CDH18: variants seen among roughly 807,000 people sequenced by gnomAD.
CDH18 encodes cadherin 18.
A neutral mutation model predicts 67.9 loss-of-function variants in CDH18; 31 were observed. The ratio of observed to expected loss-of-function variants is 0.46; its 90% confidence interval spans 0.34 to 0.62. CDH18 has a LOEUF of 0.62. Among genes scored for constraint, CDH18 ranks in the 20% least tolerant of loss-of-function variants. The pLI, the probability that CDH18 is intolerant of heterozygous loss-of-function variation, is 0.01. For missense variants in CDH18, 890 were observed against 975.5 expected, an observed-to-expected ratio of 0.91 and a Z score of 1.17; for synonymous variants, 362 against 347.2, an observed-to-expected ratio of 1.04 and a Z score of -0.48.
intron 5 of CDH18, among the ~76,000 whole-genome samples, chr5:19,713,798 A>C (rs547905295): frequency 6.6e-6 from 1 of 152,280 alleles, no homozygotes; most frequent in African/African-American, 2.4e-5. Flanking sequence ...AATCAGTGTG[A>C]AAAATGTCCT....
intron 1 of CDH18, among the ~76,000 whole-genome samples, chr5:20,472,851 T>C (rs1752184083): frequency 6.6e-6 from 1 of 152,208 alleles, no homozygotes; most frequent in Non-Finnish European, 1.5e-5. Flanking sequence ...TAAACAAGTT[T>C]TGTGTGTTGC....
intron 8 of CDH18, among the ~76,000 whole-genome samples, chr5:19,558,069 T>C (rs936128625): frequency 2.6e-5 from 4 of 151,844 alleles, no homozygotes; most frequent in South Asian, 2.1e-4. Context: ...GAAATGAAAA[T>C]GGAAATTAAA....
intron 2 of CDH18, among the ~76,000 whole-genome samples, chr5:19,861,053 A>G (rs1311886606): frequency 6.6e-6 from 1 of 152,162 alleles, no homozygotes; most frequent in African/African-American, 2.4e-5. Flanking sequence ...TCATTATTTC[A>G]TCATTTTTAA....
intron 2 of CDH18, among the ~76,000 whole-genome samples, chr5:20,041,325 T>C (rs990490024): frequency 6.6e-6 from 1 of 152,208 alleles, no homozygotes; most frequent in Non-Finnish European, 1.5e-5. Flanking sequence ...TATTTGCCAG[T>C]CTTTTCATTT....
intron 11 of CDH18, among the ~76,000 whole-genome samples, chr5:19,492,467 A>G (rs1332368506): frequency 2.0e-5 from 3 of 152,162 alleles, no homozygotes; most frequent in African/African-American, 7.2e-5. Flanking sequence ...ATAGATGTGA[A>G]GTTAAGCAGT....
At chr5:19,611,730 C>G (rs889432424) in intron 6 of CDH18, among the ~76,000 whole-genome samples, 1 of 152,058 alleles carries the variant, frequency 6.6e-6, no homozygotes, top group African/African-American at 2.4e-5. Flanking sequence ...AAAATGTTAT[C>G]TATAGTATCT....
At chr5:19,780,365 T>A (rs1322124908) in intron 3 of CDH18, among the ~76,000 whole-genome samples, 3 of 152,160 alleles carry the variant, frequency 2.0e-5, no homozygotes, top group Non-Finnish European at 2.9e-5. Context: ...TGACACCATT[T>A]TTCCATTCTT....
intron 1 of CDH18, among the ~76,000 whole-genome samples, chr5:20,512,529 C>A (rs978537068): frequency 1.3e-5 from 2 of 152,026 alleles, no homozygotes; most frequent in Non-Finnish European, 2.9e-5. Flanking sequence ...TTCCAATCAT[C>A]TTTATATTTT....
chr5:19,751,553 A>G (rs1027520397), intron 3 of CDH18, among the ~76,000 whole-genome samples: 1 of 152,222 alleles, frequency 6.6e-6, no homozygotes, highest in Non-Finnish European at 1.5e-5. Context: ...CATGTCACTG[A>G]GGAGTATTAT....
chr5:19,541,644 G>C (rs996185076), intron 9 of CDH18, among the ~76,000 whole-genome samples: 3 of 152,178 alleles, frequency 2.0e-5, no homozygotes, highest in African/African-American at 7.2e-5. Flanking sequence ...AGGCAAGAGA[G>C]AGCGTGTGCA....
intron 4 of CDH18, among the ~76,000 whole-genome samples, chr5:19,738,157 C>T (rs1182707659): frequency 1.4e-5 from 2 of 148,048 alleles, no homozygotes; most frequent in Non-Finnish European, 3.0e-5. Context: ...TTGTTAGGTG[C>T]ACATGATACT....
intron 11 of CDH18, among the ~76,000 whole-genome samples, chr5:19,489,431 T>C (rs923505073): frequency 6.6e-6 from 1 of 151,882 alleles, no homozygotes; most frequent in Non-Finnish European, 1.5e-5. Context: ...GTATTTTTAG[T>C]AGAGACAGGG....
At chr5:19,763,100 G>A (rs999407103) in intron 3 of CDH18, among the ~76,000 whole-genome samples, 1 of 152,146 alleles carries the variant, frequency 6.6e-6, no homozygotes, top group African/African-American at 2.4e-5. Flanking sequence ...GCCTGTCATG[G>A]GGTCTGGGGA....
intron 2 of CDH18, among the ~76,000 whole-genome samples, chr5:20,037,985 C>G (rs1211350658): frequency 1.3e-5 from 2 of 152,006 alleles, no homozygotes; most frequent in South Asian, 4.2e-4. Flanking sequence ...AGAGAAGGAT[C>G]AAATAGACAA....
intron 5 of CDH18, among the ~76,000 whole-genome samples, chr5:19,649,117 C>G (rs574893661): frequency 4.2e-4 from 64 of 152,134 alleles, no homozygotes; most frequent in African/African-American, 1.5e-3. Flanking sequence ...TTTTAGAAAT[C>G]CATGTAATAA....
chr5:20,206,964 A>C (rs1739946492), intron 2 of CDH18, among the ~76,000 whole-genome samples: 2 of 152,146 alleles, frequency 1.3e-5, no homozygotes, highest in South Asian at 4.1e-4. Flanking sequence ...CTCTACTTTT[A>C]TTCAATGTAA....
chr5:19,710,669 A>G (rs1422141385), intron 5 of CDH18, among the ~76,000 whole-genome samples: 3 of 152,138 alleles, frequency 2.0e-5, no homozygotes, highest in South Asian at 2.1e-4. Context: ...CAGAGACGTG[A>G]CAAATGTTAT....
At chr5:20,511,722 T>A (rs1269316194) in intron 1 of CDH18, among the ~76,000 whole-genome samples, 1 of 152,174 alleles carries the variant, frequency 6.6e-6, no homozygotes, top group Non-Finnish European at 1.5e-5. Context: ...TGAATAGAAG[T>A]GGTGATTGTG....
chr5:20,102,215 AGTGTGT>A (rs56036253), intron 2 of CDH18, among the ~76,000 whole-genome samples: 16,611 of 148,706 alleles, frequency 0.11, 1,816 homozygotes, highest in African/African-American at 0.27. Flanking sequence ...TGTTATGTGC[AGTGTGT>A]GTGTGTGTGT....
Sources: allele counts gnomAD v4.1 joint callset (sites outside exome capture counted in the v4.1 genomes callset), GRCh38; gene constraint gnomAD v4.1.1; transcripts MANE v1.5; gene names NCBI Gene and HGNC (gene_info 2026-07-23, HGNC 2026-07-21).